LPP: variants seen among roughly 807,000 people sequenced by gnomAD.
The protein encoded by LPP is lipoma-preferred partner.
A neutral mutation model predicts 60.4 loss-of-function variants in LPP; 38 were observed. The observed-to-expected ratio is 0.63, with a 90% CI of 0.49 to 0.83. The LOEUF is 0.83. Among genes scored for constraint, LPP ranks in the 40% least tolerant of loss-of-function variants. LPP has a pLI of 0.00. For missense variants in LPP, 902 were observed against 783.6 expected, an observed-to-expected ratio of 1.15 and a Z score of -1.80; for synonymous variants, 328 against 290.8, an observed-to-expected ratio of 1.13 and a Z score of -1.30.
intron 1 of LPP, among the ~76,000 whole-genome samples, chr3:188,201,808 C>T (rs966226140): frequency 1.3e-5 from 2 of 152,058 alleles, no homozygotes; most frequent in Non-Finnish European, 2.9e-5. Flanking sequence ...GGAAGTTAGA[C>T]GTCCTTTAAT....
At chr3:188,696,363 T>C (rs1170368601) in intron 7 of LPP, among the ~76,000 whole-genome samples, 1 of 152,200 alleles carries the variant, frequency 6.6e-6, no homozygotes, top group Admixed American at 6.5e-5. Flanking sequence ...ATTTAACTTA[T>C]GGCTCATGCC....
chr3:188,298,557 C>T (rs903298960), intron 2 of LPP, among the ~76,000 whole-genome samples: 3 of 152,208 alleles, frequency 2.0e-5, no homozygotes, highest in Non-Finnish European at 2.9e-5. Context: ...ACACACTTCT[C>T]GTGAGGCGCT....
intron 2 of LPP, among the ~76,000 whole-genome samples, chr3:188,249,016 G>A (rs59190588): frequency 0.017 from 2,592 of 152,170 alleles, 69 homozygotes; most frequent in African/African-American, 0.057. Context: ...CATCCACTGT[G>A]GTCTTGGACA....
intron 6 of LPP, among the ~76,000 whole-genome samples, chr3:188,602,142 CATATATATATA>C (rs1297088232): frequency 5.8e-5 from 6 of 103,704 alleles, no homozygotes; most frequent in African/African-American, 2.2e-4. Context: ...TTCTTAATCT[CATATATATATA>C]ATATATATAT....
chr3:188,185,348 C>G (rs945935533), intron 1 of LPP, among the ~76,000 whole-genome samples: 2 of 152,040 alleles, frequency 1.3e-5, no homozygotes, highest in South Asian at 2.1e-4. Context: ...CCAGTAAATG[C>G]AAGTCAGGAA....
rs542028144 is a variant in LPP, at chr3:188,155,429, G to A, written c.-190+1177G>A. On this transcript the variant is annotated intron_variant, in intron 1 of 11. Coordinates refer to ENST00000617246, the MANE Select transcript of LPP (RefSeq NM_001375462.1). ...CTCACTAAGGTGTTGATGACTTAAT[G>A]GCTTACCTTTCCCTGCACATGTGCA... 7.9e-5 allele frequency among the ~76,000 whole-genome samples: 12 copies of A among 152,260 alleles called. 1 individual carries two copies. The South Asian group carries it at 2.1e-3, about 26-fold the overall frequency.
At chr3:188,153,491 G>A (rs1715108019), upstream of LPP, 1 of 152,304 alleles carries the variant, frequency 6.6e-6, no homozygotes, top group Non-Finnish European at 1.5e-5. Context: ...AGTAGACGCA[G>A]GCTTTTCCAT....
chr3:188,281,950 AG>A (rs1742235857), intron 2 of LPP, among the ~76,000 whole-genome samples: 1 of 152,176 alleles, frequency 6.6e-6, no homozygotes, highest in Non-Finnish European at 1.5e-5. Flanking sequence ...TCATTCTTAT[AG>A]GCAGAGGGAT....
chr3:188,450,768 A>C (rs1177561649), intron 4 of LPP, among the ~76,000 whole-genome samples: 2 of 151,896 alleles, frequency 1.3e-5, no homozygotes, highest in African/African-American at 4.8e-5. Flanking sequence ...AAATCTATTT[A>C]CATTGCAGCT....
At chr3:188,216,848 G>A (rs887437807) in intron 1 of LPP, among the ~76,000 whole-genome samples, 1 of 152,184 alleles carries the variant, frequency 6.6e-6, no homozygotes, top group Non-Finnish European at 1.5e-5. Context: ...TGACCAATGT[G>A]TATTTGACTC....
chr3:188,718,018 T>G (rs1006330686), intron 8 of LPP, among the ~76,000 whole-genome samples: 1 of 152,108 alleles, frequency 6.6e-6, no homozygotes, highest in African/African-American at 2.4e-5. Flanking sequence ...ACGAGGTTTC[T>G]CCATGTTGGT....
At chr3:188,715,562 C>A (rs760155237) in intron 8 of LPP, among the ~76,000 whole-genome samples, 1 of 151,884 alleles carries the variant, frequency 6.6e-6, no homozygotes, top group Non-Finnish European at 1.5e-5. Context: ...GGGCTAGTTG[C>A]CAGTTTTAAA....
At chr3:188,337,168 C>T (rs562950798) in intron 2 of LPP, among the ~76,000 whole-genome samples, 8 of 152,174 alleles carry the variant, frequency 5.3e-5, no homozygotes, top group African/African-American at 9.6e-5. Context: ...CCACTGGGTT[C>T]GGGTGGTTCA....
chr3:188,340,396 CTTTTTTTTT>C (rs5855188), intron 2 of LPP, among the ~76,000 whole-genome samples: 1 of 116,622 alleles, frequency 8.6e-6, no homozygotes, highest in African/African-American at 3.2e-5. Context: ...CAATCATGCT[CTTTTTTTTT>C]TTTTTTTTTT....
intron 9 of LPP, among the ~76,000 whole-genome samples, chr3:188,769,329 A>G (rs889693336): frequency 2.6e-5 from 4 of 152,124 alleles, no homozygotes; most frequent in African/African-American, 9.7e-5. Flanking sequence ...CTCCTTTGCT[A>G]GTGGTATTTA....
intron 5 of LPP, among the ~76,000 whole-genome samples, chr3:188,512,839 G>A (rs1816211857): frequency 6.6e-6 from 1 of 152,120 alleles, no homozygotes; most frequent in Admixed American, 6.5e-5. Flanking sequence ...CTTTTGAAAT[G>A]TATCATGCCT....
chr3:188,639,224 C>T (rs1226898118), intron 7 of LPP, among the ~76,000 whole-genome samples: 1 of 151,904 alleles, frequency 6.6e-6, no homozygotes, highest in African/African-American at 2.4e-5. Flanking sequence ...TATCTACAAC[C>T]ATCTGATCTT....
At chr3:188,222,854 A>T (rs975170234) in intron 1 of LPP, among the ~76,000 whole-genome samples, 2 of 152,072 alleles carry the variant, frequency 1.3e-5, no homozygotes, top group Non-Finnish European at 2.9e-5. Flanking sequence ...TTTTGGAGAG[A>T]TACTTGCCAT....
chr3:188,861,746 G>T (rs1469092159), intron 9 of LPP, among the ~76,000 whole-genome samples: 2 of 152,108 alleles, frequency 1.3e-5, no homozygotes, highest in Non-Finnish European at 2.9e-5. Context: ...GCATTTGGGG[G>T]TTTTCTGTAC....
Sources: allele counts gnomAD v4.1 joint callset (sites outside exome capture counted in the v4.1 genomes callset), GRCh38; gene constraint gnomAD v4.1.1; transcripts MANE v1.5; gene names NCBI Gene and HGNC (gene_info 2026-07-23, HGNC 2026-07-21).